NAALADL2: variants seen among roughly 807,000 people sequenced by gnomAD.
NAALADL2 encodes inactive N-acetylated-alpha-linked acidic dipeptidase-like protein 2.
A neutral mutation model predicts 87.2 loss-of-function variants in NAALADL2; 76 were observed. The observed-to-expected ratio is 0.87, with a 90% CI of 0.72 to 1.05. NAALADL2 has a LOEUF of 1.05. NAALADL2 is among the 50% of genes least tolerant of loss of function. NAALADL2 has a pLI of 0.00. For missense variants in NAALADL2, 1,089 were observed against 945.8 expected, an observed-to-expected ratio of 1.15 and a Z score of -1.99; for synonymous variants, 354 against 331.0, an observed-to-expected ratio of 1.07 and a Z score of -0.75.
chr3:175,493,604 A>T (rs1234595408), intron 9 of NAALADL2, among the ~76,000 whole-genome samples: 1 of 152,156 alleles, frequency 6.6e-6, no homozygotes. Context: ...TGAAAACTGC[A>T]TATTTTAACC....
intron 1 of NAALADL2, among the ~76,000 whole-genome samples, chr3:174,981,729 T>C (rs1745145166): frequency 6.6e-6 from 1 of 152,070 alleles, no homozygotes; most frequent in African/African-American, 2.4e-5. Flanking sequence ...CTGTAAAAAG[T>C]TCTGAAATTA....
At chr3:175,465,763 C>T (rs1040477446) in intron 7 of NAALADL2, among the ~76,000 whole-genome samples, 1 of 152,090 alleles carries the variant, frequency 6.6e-6, no homozygotes, top group Admixed American at 6.6e-5. Flanking sequence ...GAGCCACCGC[C>T]CATTAATTAA....
intron 2 of NAALADL2, among the ~76,000 whole-genome samples, chr3:174,595,738 C>T (rs571866155): frequency 2.6e-5 from 4 of 152,228 alleles, no homozygotes; most frequent in East Asian, 1.9e-4. Context: ...AGGCTGGGTG[C>T]GGTGGCTCAT....
At chr3:174,792,323 G>C (rs923148879) in intron 3 of NAALADL2, among the ~76,000 whole-genome samples, 2 of 151,826 alleles carry the variant, frequency 1.3e-5, no homozygotes, top group Non-Finnish European at 2.9e-5. Flanking sequence ...AAGGAAGGAA[G>C]GAAGGAAATT....
intron 5 of NAALADL2, among the ~76,000 whole-genome samples, chr3:175,346,749 G>T (rs1013191603): frequency 2.0e-5 from 3 of 152,152 alleles, no homozygotes; most frequent in African/African-American, 7.2e-5. Flanking sequence ...AGAAACTGAG[G>T]TCGAGAGGGT....
chr3:175,292,034 A>G (rs956570678), intron 4 of NAALADL2, among the ~76,000 whole-genome samples: 1 of 152,240 alleles, frequency 6.6e-6, no homozygotes, highest in Non-Finnish European at 1.5e-5. Flanking sequence ...TTAAAAAATA[A>G]TTCAGAGAAT....
chr3:175,236,636 C>T (rs1745942379), intron 3 of NAALADL2, among the ~76,000 whole-genome samples: 1 of 151,482 alleles, frequency 6.6e-6, no homozygotes, highest in South Asian at 2.1e-4. Flanking sequence ...ATACTCACTA[C>T]CAGCAAACTC....
chr3:175,737,165 A>G, intron 11 of NAALADL2, 141 bp from the exon 12 acceptor site: 1 of 554,842 alleles, frequency 1.8e-6, no homozygotes. Context: ...TTAAAAGAAA[A>G]AGAGATTTTA....
In NAALADL2 at chr3:175,806,174, A is replaced by C. The variant is rs2108375478; in HGVS notation, c.*2971A>C. 6.6e-6 allele frequency: 1 copy of C among 152,014 alleles called. No homozygotes were observed. The highest frequency in any genetic ancestry group is 2.1e-4 in the South Asian group (1 of 4,834). 9.4% of individuals were successfully genotyped at this position (152,014 alleles called of 1,614,324 possible). On this transcript the variant is annotated 3_prime_UTR_variant, in exon 14 of 14. Transcript: ENST00000454872. The stretch of plus-strand genomic sequence containing the variant: ...GAAACACTGCTTTTAATTCAAGGCT[A>C]GTTCATTCTCTGACTGTACCTGACA...
chr3:175,687,870 G>C (rs987134518), intron 11 of NAALADL2, among the ~76,000 whole-genome samples: 1 of 151,920 alleles, frequency 6.6e-6, no homozygotes, highest in African/African-American at 2.4e-5. Flanking sequence ...TGATGCACCT[G>C]TTCCCCCTTC....
intron 9 of NAALADL2, among the ~76,000 whole-genome samples, chr3:175,548,740 T>G (rs1713826443): frequency 6.6e-6 from 1 of 152,006 alleles, no homozygotes; most frequent in African/African-American, 2.4e-5. Flanking sequence ...TGGTTACAGC[T>G]AAAGTTCAAA....
At chr3:174,678,688 G>A (rs1727262611) in intron 2 of NAALADL2, among the ~76,000 whole-genome samples, 1 of 152,150 alleles carries the variant, frequency 6.6e-6, no homozygotes, top group South Asian at 2.1e-4. Context: ...CCACTGGGGT[G>A]TTACCAGCTG....
chr3:175,353,487 G>A (rs751258826), intron 5 of NAALADL2, among the ~76,000 whole-genome samples: 1 of 152,146 alleles, frequency 6.6e-6, no homozygotes, highest in African/African-American at 2.4e-5. Context: ...TAATGATTAT[G>A]AATTGCTACT....
chr3:175,152,563 G>C (rs954812315), intron 2 of NAALADL2, among the ~76,000 whole-genome samples: 5 of 152,120 alleles, frequency 3.3e-5, no homozygotes, highest in African/African-American at 1.2e-4. Context: ...ATCTGGTAGT[G>C]GTGGGGAAAT....
At chr3:175,799,145 T>C (rs560335424) in intron 13 of NAALADL2, among the ~76,000 whole-genome samples, 91 of 152,200 alleles carry the variant, frequency 6.0e-4, no homozygotes, top group South Asian at 1.7e-3. Flanking sequence ...AAAATATCGA[T>C]TGTACTCTCT....
At chr3:175,531,529 A>G (rs1323067017) in intron 9 of NAALADL2, among the ~76,000 whole-genome samples, 6 of 152,248 alleles carry the variant, frequency 3.9e-5, no homozygotes, top group Admixed American at 2.6e-4. Flanking sequence ...GATATCTTGC[A>G]GAAGCAAAAA....
chr3:175,049,567 T>C, intron 1 of NAALADL2, among the ~76,000 whole-genome samples: 1 of 152,176 alleles, frequency 6.6e-6, no homozygotes, highest in East Asian at 1.9e-4. Flanking sequence ...TTTGAGACTG[T>C]AGCACCATGG....
At chr3:175,672,289 G>T (rs1000078674) in intron 11 of NAALADL2, among the ~76,000 whole-genome samples, 39 of 152,228 alleles carry the variant, frequency 2.6e-4, no homozygotes, top group African/African-American at 8.9e-4. Flanking sequence ...AATCATAAGT[G>T]CCAGATAATG....
chr3:174,476,609 G>A (rs1024921351), intron 1 of NAALADL2, among the ~76,000 whole-genome samples: 1 of 151,892 alleles, frequency 6.6e-6, no homozygotes, highest in South Asian at 2.1e-4. Flanking sequence ...AATTCTTACA[G>A]TACACTTGTG....
Sources: gnomAD v4.1 joint callset for allele counts (sites outside exome capture counted in the v4.1 genomes callset) on GRCh38, gnomAD v4.1.1 for gene constraint, MANE v1.5 for transcripts, NCBI Gene and HGNC (gene_info 2026-07-23, HGNC 2026-07-21) for gene names.